The following SIDT1 variants were observed in gnomAD, a reference collection of about 807,000 sequenced individuals.
The protein encoded by SIDT1 is SID1 transmembrane family member 1.
A neutral mutation model predicts 107.5 loss-of-function variants in SIDT1; 101 were observed. That is an observed-to-expected ratio of 0.94 (90% confidence interval 0.80 to 1.11). SIDT1 has a LOEUF of 1.11. Ranked by LOEUF, SIDT1 falls within the 50% of genes least tolerant of loss-of-function variation. The pLI is 0.00. For synonymous variants in SIDT1, 395 were observed against 398.2 expected, an observed-to-expected ratio of 0.99 and a Z score of 0.10; for missense variants, 1,076 against 1,058.2, an observed-to-expected ratio of 1.02 and a Z score of -0.23.
chr3:113,612,160 C>A lies in SIDT1; in HGVS notation c.1932C>A (p.Ser644Arg), dbSNP rs755418815. ...AIHVLASLALSTQIYYMGRFK... is the reference protein window; with the variant it reads ...AIHVLASLALRTQIYYMGRFK... ...ACGTTCTGGCCTCGCTAGCCCTCAG[C>A]ACCCAGATATATTATATGGGTCGTT... Residue 644 changes from serine (S) to arginine (R), a missense_variant, in exon 19 of 25, where the codon AGC becomes AGA. By Grantham distance (110) the Ser-to-Arg change is moderately radical. Transcript: ENST00000264852. The A allele has an allele frequency of 5.0e-6, 8 of 1,614,028 alleles. No homozygotes were observed. In the South Asian group the frequency reaches 6.6e-5, roughly 13 times the overall value.
intron 1 of SIDT1, among the ~76,000 whole-genome samples, chr3:113,545,103 A>G (rs1324032067): frequency 7.7e-6 from 1 of 130,682 alleles, no homozygotes; most frequent in African/African-American, 3.0e-5. Context: ...CGACAGAGCG[A>G]GAGACTCTGT....
chr3:113,550,678 G>A (rs1471595086), intron 1 of SIDT1, among the ~76,000 whole-genome samples: 2 of 152,078 alleles, frequency 1.3e-5, no homozygotes, highest in African/African-American at 4.8e-5. Context: ...TAGGAAAGAG[G>A]TAGCTATATT....
intron 9 of SIDT1, among the ~76,000 whole-genome samples, chr3:113,587,305 A>G (rs1943812711): frequency 6.6e-6 from 1 of 152,208 alleles, no homozygotes; most frequent in South Asian, 2.1e-4. Flanking sequence ...TATTTAAAGG[A>G]TATATTGGTA....
chr3:113,573,934 G>A (rs1018662098), intron 3 of SIDT1, among the ~76,000 whole-genome samples: 2 of 152,222 alleles, frequency 1.3e-5, no homozygotes, highest in Non-Finnish European at 2.9e-5. Flanking sequence ...CAAGGGCGTG[G>A]TGGAGAAAGA....
intron 4 of SIDT1, among the ~76,000 whole-genome samples, chr3:113,578,849 T>C (rs1259899350): frequency 6.6e-6 from 1 of 151,980 alleles, no homozygotes; most frequent in Non-Finnish European, 1.5e-5. Context: ...CGTGAGACCC[T>C]ATCTCTGAAA....
At chr3:113,621,861 C>G (rs1316054453) in intron 21 of SIDT1, among the ~76,000 whole-genome samples, 1 of 152,176 alleles carries the variant, frequency 6.6e-6, no homozygotes, top group African/African-American at 2.4e-5. Context: ...AATTGTTTCA[C>G]ACGTACGGTC....
chr3:113,612,022 G>T (rs1945787742), intron 18 of SIDT1, 64 bp from the exon 19 acceptor site: 7 of 1,162,324 alleles, frequency 6.0e-6, no homozygotes, highest in Middle Eastern at 3.8e-4. Flanking sequence ...CAGGAGAGAG[G>T]ATGATTTTGA....
intron 11 of SIDT1, 132 bp downstream of exon 11, chr3:113,601,791 A>T: frequency 1.7e-6 from 1 of 580,076 alleles, no homozygotes. Context: ...TTTTATTTGT[A>T]AGATGAGTTG....
intron 9 of SIDT1, among the ~76,000 whole-genome samples, chr3:113,590,440 G>A (rs1228231638): frequency 6.6e-6 from 1 of 152,112 alleles, no homozygotes; most frequent in Non-Finnish European, 1.5e-5. Flanking sequence ...ATTCCCAAAT[G>A]GTATAGTTTG....
chr3:113,594,636 AT>A (rs1944407630), intron 10 of SIDT1, among the ~76,000 whole-genome samples: 1 of 152,186 alleles, frequency 6.6e-6, no homozygotes, highest in Non-Finnish European at 1.5e-5. Context: ...GAGCCAGATC[AT>A]TGTCCAGGTT....
intron 23 of SIDT1, among the ~76,000 whole-genome samples, chr3:113,625,222 C>T (rs534934077): frequency 3.1e-4 from 47 of 152,176 alleles, no homozygotes; most frequent in African/African-American, 9.4e-4. Context: ...CTGCAACCTC[C>T]ACCTCCCAGG....
At chr3:113,581,024 AC>A (rs750220415) in intron 5 of SIDT1, among the ~76,000 whole-genome samples, 3 of 151,914 alleles carry the variant, frequency 2.0e-5, no homozygotes, top group Non-Finnish European at 2.9e-5. Flanking sequence ...CTAAAATTGA[AC>A]CCTACCATTT....
At chr3:113,622,463 CAAAAAAAAAAAA>C (rs765265068) in intron 21 of SIDT1, among the ~76,000 whole-genome samples, 1 of 57,988 alleles carries the variant, frequency 1.7e-5, no homozygotes, top group African/African-American at 6.3e-5. Context: ...GACTCCATCT[CAAAAAAAAAAAA>C]AAAAAAAAAA....
At chr3:113,599,156 G>A (rs1162215526) in intron 10 of SIDT1, among the ~76,000 whole-genome samples, 1 of 152,110 alleles carries the variant, frequency 6.6e-6, no homozygotes, top group East Asian at 1.9e-4. Context: ...AATAAAATAG[G>A]GAGCTTGAAA....
rs78583369 is a variant in SIDT1, at chr3:113,579,648, G to A, written c.562-960G>A. 8.3e-3 allele frequency among the ~76,000 whole-genome samples: 1,262 copies of A among 152,146 alleles called. 18 individuals are homozygous for A. Among genetic ancestry groups the A allele is most frequent in the African/African-American group, 0.029 (1,186 of 41,500 alleles). ...AAAAGGATTCCATTTTTATTGTCCT[G>A]GTACTCAAAATAGGGTTAGGAGAAA... is the stretch of plus-strand genomic sequence containing the variant. On this transcript the variant is annotated intron_variant, in intron 4 of 24. Transcript: ENST00000264852.
intron 1 of SIDT1, among the ~76,000 whole-genome samples, chr3:113,540,004 CAAA>C (rs573816383): frequency 1.4e-3 from 119 of 87,302 alleles, no homozygotes; most frequent in Middle Eastern, 0.012. Flanking sequence ...AACTCCGTCT[CAAA>C]AAAAAAAAAA....
chr3:113,605,124 CTT>C (rs5851901), intron 14 of SIDT1, 148 bp downstream of exon 14: 29,343 of 343,676 alleles, frequency 0.085, 393 homozygotes, highest in Non-Finnish European at 0.11. Context: ...ATTGCTTCCT[CTT>C]TTTTTTTTTT....
chr3:113,576,438 G>A (rs1210602819), intron 3 of SIDT1, among the ~76,000 whole-genome samples: 3 of 152,158 alleles, frequency 2.0e-5, no homozygotes, highest in African/African-American at 7.2e-5. Flanking sequence ...ACCATCCCAT[G>A]TGGTTATCTA....
the SIDT1 span, among the ~76,000 whole-genome samples, chr3:113,634,971 A>G: frequency 1.3e-5 from 2 of 152,238 alleles, no homozygotes; most frequent in Non-Finnish European, 2.9e-5. Flanking sequence ...GAACAGCTGG[A>G]TTTATATAAG....
Sources: gnomAD v4.1 joint callset for allele counts (sites outside exome capture counted in the v4.1 genomes callset) on GRCh38, gnomAD v4.1.1 for gene constraint, MANE v1.5 for transcripts, NCBI Gene and HGNC (gene_info 2026-07-23, HGNC 2026-07-21) for gene names.